The following SCLT1 variants were observed in gnomAD, a reference collection of about 807,000 sequenced individuals.
SCLT1 encodes sodium channel-associated protein 1.
A neutral mutation model predicts 112.8 loss-of-function variants in SCLT1; 78 were observed. The ratio of observed to expected loss-of-function variants is 0.69; its 90% CI spans 0.58 to 0.83. The LOEUF is 0.83. SCLT1 is among the 40% of genes least tolerant of loss of function. The probability of loss-of-function intolerance (pLI) is 0.00; values close to 1 mark genes in which losing one functional copy is unlikely to be tolerated. For missense variants in SCLT1, 747 were observed against 770.4 expected, an observed-to-expected ratio of 0.97 and a Z score of 0.36; for synonymous variants, 257 against 254.7, an observed-to-expected ratio of 1.01 and a Z score of -0.09.
In SCLT1 at chr4:128,895,848, G is replaced by A. The variant is rs969375854; in HGVS notation, c.1830-4711C>T. Among the ~76,000 whole-genome samples the A allele has an allele frequency of 7.9e-5, 12 of 152,300 alleles. 1 individual carries two copies. Among genetic ancestry groups the A allele is most frequent in the African/African-American group, 2.6e-4 (11 of 41,568 alleles). Reference sequence around the variant, plus strand: ...GGGTCACTCCCACCCTTAATACTGCGCTTTTCCAACAGTCTTAGCAAACGG... The same window carrying A: ...GGGTCACTCCCACCCTTAATACTGCACTTTTCCAACAGTCTTAGCAAACGG... On this transcript the variant is annotated intron_variant, in intron 18 of 20. Coordinates refer to ENST00000281142, the MANE Select transcript of SCLT1 (RefSeq NM_144643.4).
rs775763522 is a variant in SCLT1 at position 128,992,211 on chromosome 4, T to C, written c.642A>G (p.Val214=). ...GTTCGATTATCACACTTTGTTCAGT[T>C]ACTGTTTTCAGAAACTGTTGGTTAG... is the stretch of plus-strand genomic sequence containing the variant. ...EVTNQQFLKT[V]TEQSVIIEQL... is the part of the protein sequence containing the mutation. Residue 214 remains valine, a synonymous_variant, in exon 9 of 21, where the codon GTA becomes GTG. Transcript: ENST00000281142. 1.2e-6 allele frequency: 2 copies of C among 1,602,114 alleles called. No homozygotes were observed. The highest frequency in any genetic ancestry group is 2.2e-5 in the South Asian group (2 of 88,924).
chr4:128,996,902 T>C (rs1743059233), intron 8 of SCLT1, among the ~76,000 whole-genome samples: 2 of 152,104 alleles, frequency 1.3e-5, no homozygotes, highest in South Asian at 4.2e-4. Context: ...CAAAGAATGA[T>C]ACAATTCCAA....
chr4:128,918,243 C>T (rs1042301004), intron 18 of SCLT1, among the ~76,000 whole-genome samples: 5 of 152,208 alleles, frequency 3.3e-5, no homozygotes, highest in African/African-American at 1.2e-4. Context: ...TGTCTGATGA[C>T]AGATATTGGA....
At chr4:128,879,179 G>C (rs1732588329), downstream of SCLT1, among the ~76,000 whole-genome samples, 1 of 151,752 alleles carries the variant, frequency 6.6e-6, no homozygotes, top group African/African-American at 2.4e-5. Context: ...GAATGAAAAA[G>C]TGGAAGTAGA....
chr4:128,912,946 C>G (rs1402591152), intron 18 of SCLT1, among the ~76,000 whole-genome samples: 1 of 152,172 alleles, frequency 6.6e-6, no homozygotes, highest in Non-Finnish European at 1.5e-5. Context: ...ACTATTTAGG[C>G]TAGGCAGGGC....
intron 2 of SCLT1, among the ~76,000 whole-genome samples, chr4:129,046,262 G>A (rs1365135419): frequency 6.6e-6 from 1 of 152,052 alleles, no homozygotes; most frequent in Non-Finnish European, 1.5e-5. Context: ...ATACACACAA[G>A]TTTCAGTTAA....
intron 5 of SCLT1, among the ~76,000 whole-genome samples, chr4:129,027,491 A>C (rs1243551782): frequency 6.6e-6 from 1 of 152,208 alleles, no homozygotes; most frequent in Admixed American, 6.5e-5. Context: ...TCATGCCAAA[A>C]ACTCTCAATA....
At chr4:128,908,391 A>AG (rs1271054500) in intron 18 of SCLT1, among the ~76,000 whole-genome samples, 1 of 150,904 alleles carries the variant, frequency 6.6e-6, no homozygotes, top group East Asian at 1.9e-4. Context: ...AAAAAAAAAA[A>AG]AAAGAAAGAA....
chr4:128,984,334 A>G (rs1482743293), intron 9 of SCLT1, among the ~76,000 whole-genome samples: 2 of 152,128 alleles, frequency 1.3e-5, no homozygotes, highest in East Asian at 3.8e-4. Flanking sequence ...CAGGCTTAGA[A>G]GCTCACTAGA....
intron 3 of SCLT1, among the ~76,000 whole-genome samples, chr4:128,878,408 T>C (rs528479723): frequency 6.6e-6 from 1 of 152,330 alleles, no homozygotes; most frequent in South Asian, 2.1e-4. Flanking sequence ...AAACAATTTC[T>C]TTATGAAGCA....
intron 1 of SCLT1, among the ~76,000 whole-genome samples, chr4:129,091,286 C>T (rs1645932541): frequency 6.6e-6 from 1 of 151,840 alleles, no homozygotes; most frequent in Non-Finnish European, 1.5e-5. Context: ...TTATTTTAAG[C>T]CTTTGAACCA....
Position 128,958,989 on chromosome 4 carries a change from G to A in SCLT1, c.1047+611C>T, listed in dbSNP as rs150569125. ...GATGAATGTTGGTAAATAAATTAAT[G>A]ATTTAATGAACTCTACATAAGGGAG... On this transcript the variant is annotated intron_variant, in intron 12 of 20. Transcript: ENST00000281142. Among the ~76,000 whole-genome samples the A allele has an allele frequency of 2.6e-4, 40 of 152,214 alleles. 1 individual carries two copies. The East Asian group carries it at 7.3e-3, about 28-fold the overall frequency.
intron 18 of SCLT1, among the ~76,000 whole-genome samples, chr4:128,922,880 T>A (rs1735988516): frequency 6.6e-6 from 1 of 151,474 alleles, no homozygotes. Context: ...AAATAACAGA[T>A]CAGAAGAGAC....
chr4:128,940,052 A>T (rs190913697), intron 17 of SCLT1, among the ~76,000 whole-genome samples: 1 of 152,306 alleles, frequency 6.6e-6, no homozygotes, highest in East Asian at 1.9e-4. Context: ...TGTGGGGTAG[A>T]TAAACTTTCT....
In SCLT1 at chr4:128,952,749, A is replaced by G. The variant is rs773293280; in HGVS notation, c.1218+20T>C. 2.4e-6 allele frequency: 3 copies of G among 1,248,302 alleles called. No individual in the cohort carries two copies. The highest frequency in any genetic ancestry group is 2.4e-6 in the Non-Finnish European group (2 of 847,582). 77.3% of individuals were successfully genotyped at this position (1,248,302 alleles called of 1,614,324 possible). ...AAATAAGTAATATTTGGAAGAAAATATCAGTATAGTCAAACATACCATTTG... is the reference window on the plus strand; with the variant it reads ...AAATAAGTAATATTTGGAAGAAAATGTCAGTATAGTCAAACATACCATTTG... On this transcript the variant is annotated intron_variant, in intron 14 of 20. Transcript: ENST00000281142.
chr4:129,024,390 C>T (rs993255847), intron 5 of SCLT1, among the ~76,000 whole-genome samples: 21 of 152,246 alleles, frequency 1.4e-4, no homozygotes, highest in South Asian at 2.1e-4. Context: ...TCGCGATTCA[C>T]GAAAATCTGC....
chr4:128,894,727 T>C (rs1392196675), intron 18 of SCLT1, among the ~76,000 whole-genome samples: 1 of 151,994 alleles, frequency 6.6e-6, no homozygotes, highest in African/African-American at 2.4e-5. Flanking sequence ...CTCCCCGGCT[T>C]GAGTGCAGTG....
intron 5 of SCLT1, 32 bp from the exon 6 acceptor site, chr4:129,003,908 A>C: frequency 6.2e-7 from 1 of 1,601,432 alleles, no homozygotes; most frequent in Non-Finnish European, 8.5e-7. Context: ...TGATAGCCTC[A>C]AGTCATTTTC....
chr4:129,050,323 C>A (rs1270676974), intron 2 of SCLT1, among the ~76,000 whole-genome samples: 2 of 152,204 alleles, frequency 1.3e-5, no homozygotes, highest in African/African-American at 2.4e-5. Flanking sequence ...CTGTCTTCCA[C>A]AATGGTTGAA....
Sources: gnomAD v4.1 joint callset for allele counts (sites outside exome capture counted in the v4.1 genomes callset) on GRCh38, gnomAD v4.1.1 for gene constraint, MANE v1.5 for transcripts, NCBI Gene and HGNC (gene_info 2026-07-23, HGNC 2026-07-21) for gene names.